ANXA4: variants seen among roughly 807,000 people sequenced by gnomAD.
ANXA4 encodes 35-beta calcimedin.
ANXA4 carries 39 observed loss-of-function variants against 49.8 expected under a neutral mutation model. The ratio of observed to expected loss-of-function variants is 0.78; its 90% CI spans 0.61 to 1.02. The LOEUF (loss-of-function observed/expected upper bound fraction) is 1.02, where lower values mean the gene tolerates loss of function less well. Ranked by LOEUF, ANXA4 falls within the 50% of genes least tolerant of loss-of-function variation. The probability of loss-of-function intolerance (pLI) is 0.00; values close to 1 mark genes in which losing one functional copy is unlikely to be tolerated. For missense variants in ANXA4, 360 were observed against 410.1 expected (o/e 0.88, Z 1.05); for synonymous variants, 134 against 152.5 (o/e 0.88, Z 0.89).
intron 2 of ANXA4, among the ~76,000 whole-genome samples, chr2:69,717,717 C>G (rs577187429): frequency 2.6e-5 from 4 of 152,308 alleles, no homozygotes; most frequent in Non-Finnish European, 5.9e-5. Context: ...CCCCACAAAG[C>G]CTTGCCTCTG....
chr2:69,757,266 ATTTT>A (rs1177266386), intron 1 of ANXA4, among the ~76,000 whole-genome samples: 176 of 27,574 alleles, frequency 6.4e-3, no homozygotes, highest in South Asian at 0.01. Context: ...ATATATATAT[ATTTT>A]TTTTTTTTTT....
rs183295941 is a variant in ANXA4 at position 69,766,942 on chromosome 2, C to G, written c.-46-14578C>G. Reference sequence around the variant, plus strand: ...CTCTTTCTGGGGGGCAAGAATTTCCCCTCTATTTCTACTCCCATTTTCTTT... The same window carrying G: ...CTCTTTCTGGGGGGCAAGAATTTCCGCTCTATTTCTACTCCCATTTTCTTT... On this transcript the variant is annotated intron_variant, in intron 1 of 12. Coordinates refer to ENST00000394295, the MANE Select transcript of ANXA4 (RefSeq NM_001153.5). 4.8e-3 allele frequency among the ~76,000 whole-genome samples: 737 copies of G among 152,258 alleles called. 7 individuals carry two copies. The highest frequency in any genetic ancestry group is 7.6e-3 in the Admixed American group (116 of 15,294).
chr2:69,690,265 G>C (rs1677916631), intron 2 of ANXA4, among the ~76,000 whole-genome samples: 1 of 152,108 alleles, frequency 6.6e-6, no homozygotes, highest in South Asian at 2.1e-4. Flanking sequence ...TTGAGACAGA[G>C]TCTCACTCTG....
chr2:69,757,256 ATATATATATATTTT>A (rs1559150081), intron 1 of ANXA4, among the ~76,000 whole-genome samples: 1 of 50,032 alleles, frequency 2.0e-5, no homozygotes, highest in African/African-American at 1.5e-4. Flanking sequence ...ATATATATAT[ATATATATATATTTT>A]TTTTTTTTTT....
chr2:69,787,153 C>T (rs1446289522), intron 2 of ANXA4, among the ~76,000 whole-genome samples: 1 of 152,172 alleles, frequency 6.6e-6, no homozygotes, highest in African/African-American at 2.4e-5. Context: ...TGAAATATCA[C>T]CATAATGCCA....
At chr2:69,647,136 C>G (rs1676036282) in intron 1 of ANXA4, among the ~76,000 whole-genome samples, 3 of 152,280 alleles carry the variant, frequency 2.0e-5, no homozygotes, top group South Asian at 4.1e-4. Flanking sequence ...GTATTCTTAG[C>G]CAACTCATTT....
At chr2:69,663,338 GCACACTTA>G (rs1676804674) in intron 2 of ANXA4, among the ~76,000 whole-genome samples, 2 of 105,820 alleles carry the variant, frequency 1.9e-5, no homozygotes, top group African/African-American at 7.5e-5. Context: ...GCTAAATATA[GCACACTTA>G]CATAAGAGCA....
intron 2 of ANXA4, among the ~76,000 whole-genome samples, chr2:69,661,638 G>A (rs755808302): frequency 6.6e-6 from 1 of 152,146 alleles, no homozygotes; most frequent in Non-Finnish European, 1.5e-5. Context: ...TTGGAACCTG[G>A]AAAGCACGTG....
At chr2:69,783,249 A>G (rs2103673724) in intron 2 of ANXA4, among the ~76,000 whole-genome samples, 1 of 152,056 alleles carries the variant, frequency 6.6e-6, no homozygotes. Context: ...ACAGAGTCTC[A>G]ATCTGTTGCC....
At chr2:69,752,722 C>CTCGG (rs1670897399) in intron 1 of ANXA4, among the ~76,000 whole-genome samples, 1 of 152,232 alleles carries the variant, frequency 6.6e-6, no homozygotes, top group Admixed American at 6.5e-5. Flanking sequence ...TGAGCACATA[C>CTCGG]TCGGCCCTTG....
intron 3 of ANXA4, among the ~76,000 whole-genome samples, chr2:69,791,640 A>G (rs137912479): frequency 6.6e-4 from 100 of 152,332 alleles, no homozygotes; most frequent in Admixed American, 1.6e-3. Context: ...GTTTTCTATT[A>G]GTTCAGTTCA....
intron 2 of ANXA4, among the ~76,000 whole-genome samples, chr2:69,718,111 C>A (rs1351111112): frequency 6.6e-6 from 1 of 152,178 alleles, no homozygotes; most frequent in Non-Finnish European, 1.5e-5. Context: ...CACCATGGGA[C>A]TTCTCTGTGG....
chr2:69,652,234 C>G (rs78300420), intron 1 of ANXA4, among the ~76,000 whole-genome samples: 10,805 of 152,042 alleles, frequency 0.071, 1,122 homozygotes, highest in East Asian at 0.37. Flanking sequence ...TCGAACTCCT[C>G]ACCTCAAATG....
At chr2:69,677,643 C>T (rs1373311266) in intron 2 of ANXA4, among the ~76,000 whole-genome samples, 1 of 152,094 alleles carries the variant, frequency 6.6e-6, no homozygotes, top group Non-Finnish European at 1.5e-5. Context: ...AACACGATAC[C>T]CTAATGGATG....
intron 5 of ANXA4, among the ~76,000 whole-genome samples, chr2:69,807,206 C>T (rs1002432229): frequency 2.6e-5 from 4 of 152,074 alleles, no homozygotes; most frequent in South Asian, 2.1e-4. Context: ...TTATAATTGT[C>T]GCTTTTAGTA....
intron 7 of ANXA4, 139 bp from the exon 8 acceptor site, chr2:69,812,513 GT>G (rs1673751461): frequency 3.1e-6 from 2 of 651,698 alleles, no homozygotes; most frequent in East Asian, 5.5e-5. Context: ...TTTAGAGGAC[GT>G]CTGTCCTCCC....
intron 1 of ANXA4, among the ~76,000 whole-genome samples, chr2:69,649,329 G>A (rs1031499117): frequency 5.3e-5 from 8 of 151,996 alleles, no homozygotes; most frequent in Non-Finnish European, 1.0e-4. Flanking sequence ...ACCACTCAGC[G>A]ATAATTGCTA....
intron 10 of ANXA4, 124 bp downstream of exon 10, chr2:69,818,818 T>A: frequency 1.6e-6 from 1 of 616,260 alleles, no homozygotes; most frequent in Non-Finnish European, 2.9e-6. Flanking sequence ...ATCACTCATG[T>A]TACATTCCAG....
intron 2 of ANXA4, among the ~76,000 whole-genome samples, chr2:69,664,576 G>A (rs62133967): frequency 6.6e-6 from 1 of 152,084 alleles, no homozygotes; most frequent in Non-Finnish European, 1.5e-5. Flanking sequence ...GCATAGAATA[G>A]GTGTCAGTAA....
Sources: allele counts gnomAD v4.1 joint callset (sites outside exome capture counted in the v4.1 genomes callset), GRCh38; gene constraint gnomAD v4.1.1; transcripts MANE v1.5; gene names NCBI Gene and HGNC (gene_info 2026-07-23, HGNC 2026-07-21).